The following FHIT variants were observed in gnomAD, a reference collection of about 807,000 sequenced individuals.
FHIT encodes fragile histidine triad diadenosine triphosphatase.
FHIT carries 19 observed loss-of-function variants against 17.9 expected under a neutral mutation model. The ratio of observed to expected loss-of-function variants is 1.06; its 90% CI spans 0.74 to 1.56. The LOEUF (loss-of-function observed/expected upper bound fraction) is 1.56, where lower values mean the gene tolerates loss of function less well. Ranked by LOEUF, FHIT falls within the 40% of genes most tolerant of loss-of-function variation. The pLI, the probability that FHIT is intolerant of heterozygous loss-of-function variation, is 0.00. For missense variants in FHIT, 248 were observed against 189.2 expected, an observed-to-expected ratio of 1.31 and a Z score of -1.82; for synonymous variants, 81 against 69.7, an observed-to-expected ratio of 1.16 and a Z score of -0.81.
At chr3:60,914,248 C>T (rs578260558) in intron 3 of FHIT, among the ~76,000 whole-genome samples, 5 of 152,098 alleles carry the variant, frequency 3.3e-5, no homozygotes, top group African/African-American at 4.8e-5. Flanking sequence ...CATCAAGGAG[C>T]TTGTTATAAT....
chr3:60,710,955 T>C (rs989028108), intron 4 of FHIT, among the ~76,000 whole-genome samples: 3 of 152,194 alleles, frequency 2.0e-5, no homozygotes, highest in African/African-American at 4.8e-5. Flanking sequence ...GATCTGAGAA[T>C]GGGCAGACTG....
At chr3:60,163,439 G>A (rs547546317) in intron 5 of FHIT, among the ~76,000 whole-genome samples, 82 of 152,100 alleles carry the variant, frequency 5.4e-4, no homozygotes, top group Non-Finnish European at 8.7e-4. Flanking sequence ...ACCCCTCCAC[G>A]TACACATCAG....
chr3:60,592,171 T>TTA (rs1363580362), intron 4 of FHIT, among the ~76,000 whole-genome samples: 5 of 147,708 alleles, frequency 3.4e-5, no homozygotes, highest in African/African-American at 9.8e-5. Context: ...ATATATATTA[T>TTA]TATATATATA....
intron 5 of FHIT, among the ~76,000 whole-genome samples, chr3:60,136,390 C>G (rs1372747452): frequency 1.3e-5 from 2 of 152,142 alleles, no homozygotes; most frequent in African/African-American, 4.8e-5. Flanking sequence ...TGTGCAAACC[C>G]AACTTAAATT....
intron 3 of FHIT, among the ~76,000 whole-genome samples, chr3:60,844,849 C>T (rs1900668): frequency 0.63 from 95,277 of 151,974 alleles, 32,790 homozygotes; most frequent in East Asian, 1. Flanking sequence ...TCTTCATTAG[C>T]GCTACATAGC....
intron 5 of FHIT, among the ~76,000 whole-genome samples, chr3:60,476,389 C>A (rs1375533894): frequency 6.6e-6 from 1 of 152,096 alleles, no homozygotes; most frequent in Non-Finnish European, 1.5e-5. Context: ...CCAGTTAAAA[C>A]CAAATCCAGA....
intron 5 of FHIT, among the ~76,000 whole-genome samples, chr3:60,324,573 G>GGAAAAAAAAA (rs757433390): frequency 1.7e-4 from 22 of 128,858 alleles, no homozygotes; most frequent in African/African-American, 6.5e-4. Context: ...GACTCCATCA[G>GGAAAAAAAAA]AAAAAAAAAA....
rs957778393 is a variant in FHIT at position 61,112,023 on chromosome 3, C to T, written c.-163-69924G>A. ...CAGCCTTTGAGGTAACCACAGATAC[C>T]CCTTTTTATAGATCAGGAAACACAG... On this transcript the variant is annotated intron_variant, in intron 2 of 9. Transcript: ENST00000492590. Among the ~76,000 whole-genome samples the T allele has an allele frequency of 2.6e-5, 4 of 152,094 alleles. No individual in the cohort carries two copies. The South Asian group carries it at 6.2e-4, about 24-fold the overall frequency.
chr3:60,457,327 G>A (rs2032167308), intron 5 of FHIT, among the ~76,000 whole-genome samples: 2 of 152,018 alleles, frequency 1.3e-5, no homozygotes, highest in Admixed American at 6.6e-5. Flanking sequence ...ACAAGAAATG[G>A]GGAAAGGATT....
chr3:60,897,351 C>T (rs373856952), intron 3 of FHIT, among the ~76,000 whole-genome samples: 4 of 152,098 alleles, frequency 2.6e-5, no homozygotes, highest in African/African-American at 9.7e-5. Flanking sequence ...GTCTCCTCAA[C>T]GTGTAGTAAC....
chr3:59,857,367 T>C (rs1702201860), intron 8 of FHIT, among the ~76,000 whole-genome samples: 1 of 152,152 alleles, frequency 6.6e-6, no homozygotes, highest in South Asian at 2.1e-4. Context: ...AGAATATTTT[T>C]TTTTTTAAAC....
intron 1 of FHIT, among the ~76,000 whole-genome samples, chr3:61,239,293 A>G (rs932493554): frequency 1.3e-5 from 2 of 152,288 alleles, no homozygotes; most frequent in South Asian, 2.1e-4. Flanking sequence ...TATACAGCCA[A>G]TTTCATCTGA....
intron 2 of FHIT, among the ~76,000 whole-genome samples, chr3:61,099,429 CATAGAATGAGTTAGGGAGG>C (rs2035748928): frequency 6.6e-6 from 1 of 152,082 alleles, no homozygotes; most frequent in South Asian, 2.1e-4. Flanking sequence ...CTGCTGGCCT[CATAGAATGAGTTAGGGAGG>C]AGTCCCTCCT....
At chr3:60,830,863 T>C (rs1702304280) in intron 3 of FHIT, among the ~76,000 whole-genome samples, 1 of 152,130 alleles carries the variant, frequency 6.6e-6, no homozygotes, top group African/African-American at 2.4e-5. Flanking sequence ...TATGGAAGTA[T>C]TAAAACATCT....
intron 1 of FHIT, among the ~76,000 whole-genome samples, chr3:61,209,005 T>G (rs542124032): frequency 6.6e-6 from 1 of 152,004 alleles, no homozygotes; most frequent in Admixed American, 6.6e-5. Context: ...CTTTTAGGGC[T>G]GGCCTGGTGG....
intron 4 of FHIT, among the ~76,000 whole-genome samples, chr3:60,551,028 T>A (rs2036528566): frequency 6.6e-6 from 1 of 152,108 alleles, no homozygotes; most frequent in Non-Finnish European, 1.5e-5. Context: ...AGTTGAATGA[T>A]AAGAAGTCCA....
At chr3:61,139,725 T>C (rs775577803) in intron 2 of FHIT, among the ~76,000 whole-genome samples, 4 of 152,140 alleles carry the variant, frequency 2.6e-5, no homozygotes, top group Non-Finnish European at 5.9e-5. Flanking sequence ...TTTCAAATGG[T>C]GAATCTTGGC....
chr3:60,199,590 A>G (rs1576296641), intron 5 of FHIT, among the ~76,000 whole-genome samples: 1 of 152,298 alleles, frequency 6.6e-6, no homozygotes, highest in East Asian at 1.9e-4. Context: ...TGTCAGGAGA[A>G]TAAGACAGAA....
chr3:60,092,453 AAG>A (rs1703773051), intron 5 of FHIT, among the ~76,000 whole-genome samples: 1 of 152,240 alleles, frequency 6.6e-6, no homozygotes, highest in South Asian at 2.1e-4. Context: ...GAGGTAATGT[AAG>A]AGATTTTCAA....
Sources: allele counts gnomAD v4.1 joint callset (sites outside exome capture counted in the v4.1 genomes callset), GRCh38; gene constraint gnomAD v4.1.1; transcripts MANE v1.5; gene names NCBI Gene and HGNC (gene_info 2026-07-23, HGNC 2026-07-21).